USP9X: variants seen among roughly 807,000 people sequenced by gnomAD.
The protein encoded by USP9X is ubiquitin carboxyl-terminal hydrolase 9X.
USP9X carries 7 observed loss-of-function variants against 190.3 expected under a neutral mutation model. That is an observed-to-expected ratio of 0.04 (90% CI 0.02 to 0.07). The LOEUF (loss-of-function observed/expected upper bound fraction) is 0.07, where lower values mean the gene tolerates loss of function less well. Among genes scored for constraint, USP9X ranks in the 10% least tolerant of loss-of-function variants. USP9X has a pLI of 1.00. For synonymous variants in USP9X, 645 were observed against 659.5 expected, an observed-to-expected ratio of 0.98 and a Z score of 0.34; for missense variants, 1,010 against 1,916.9, an observed-to-expected ratio of 0.53 and a Z score of 8.83.
rs200403625 is a variant in USP9X, at chrX:41,181,435, C to CTTTTTTTTTT, written c.3149-2543_3149-2534dup. On this transcript the variant is annotated intron_variant, in intron 21 of 44. Transcript: ENST00000378308. ...TACAGGTACACACCACCACACCTGACTTTTTTTTTTTTTTTTTTTTTTTTT... is the reference window on the plus strand; with the variant it reads ...TACAGGTACACACCACCACACCTGACTTTTTTTTTTTTTTTTTTTTTTTTTTTTTTTTTTT... 1.3e-4 allele frequency among the ~76,000 whole-genome samples: 5 copies of CTTTTTTTTTT among 38,573 alleles called. 1 individual carries two copies. The highest frequency in any genetic ancestry group is 7.0e-4 in the East Asian group (1 of 1,422). 33.5% of individuals were successfully genotyped at this position (38,573 alleles called of 115,157 possible).
At chrX:41,163,614 A>ATGG (rs752164074) in intron 15 of USP9X, among the ~76,000 whole-genome samples, 4 of 109,017 alleles carry the variant, frequency 3.7e-5, no homozygotes, top group Non-Finnish European at 7.6e-5. Flanking sequence ...TCAGCCAGGC[A>ATGG]TGGTGGTGTT....
At chrX:41,189,574 C>G in intron 26 of USP9X, 99 bp downstream of exon 26, 1 of 790,051 alleles carries the variant, frequency 1.3e-6, no homozygotes, top group South Asian at 3.8e-5. Context: ...TATTTATTGT[C>G]TCTATGGCAT....
At chrX:41,165,772 A>T in intron 15 of USP9X, 100 bp from the exon 16 acceptor site, 1 of 652,619 alleles carries the variant, frequency 1.5e-6, no homozygotes, top group Non-Finnish European at 2.3e-6. Context: ...ATCTATAGTT[A>T]AAATATAATG....
At chrX:41,134,316 T>C (rs2062352057) in intron 4 of USP9X, among the ~76,000 whole-genome samples, 1 of 112,329 alleles carries the variant, frequency 8.9e-6, no homozygotes, top group Non-Finnish European at 1.9e-5. Context: ...CTGAGATAAT[T>C]GAGAGAGGCT....
chrX:41,092,436 A>G (rs1178899552), intron 1 of USP9X, among the ~76,000 whole-genome samples: 2 of 110,768 alleles, frequency 1.8e-5, no homozygotes, highest in African/African-American at 6.6e-5. Flanking sequence ...TATTGAACCC[A>G]TTTCTGCCTA....
intron 2 of USP9X, among the ~76,000 whole-genome samples, chrX:41,125,835 TTTCTA>T (rs760409115): frequency 9.0e-6 from 1 of 111,385 alleles, no homozygotes; most frequent in South Asian, 3.7e-4. Flanking sequence ...TCAGTTGTCT[TTTCTA>T]ATATATACAG....
intron 26 of USP9X, among the ~76,000 whole-genome samples, chrX:41,195,433 ATTGGAGCCTGAGAG>A (rs2062975051): frequency 9.0e-6 from 1 of 111,112 alleles, no homozygotes; most frequent in South Asian, 3.8e-4. Flanking sequence ...GGAGGTCTGC[ATTGGAGCCTGAGAG>A]TTGGCATTTC....
At chrX:41,089,782 TAAC>T (rs1194601890) in intron 1 of USP9X, among the ~76,000 whole-genome samples, 1 of 110,142 alleles carries the variant, frequency 9.1e-6, no homozygotes, top group Non-Finnish European at 1.9e-5. Context: ...ACGAATGAAA[TAAC>T]AATAACAGAC....
chrX:41,185,510 C>T (rs773124412), intron 23 of USP9X, among the ~76,000 whole-genome samples: 1 of 111,010 alleles, frequency 9.0e-6, no homozygotes, highest in South Asian at 3.7e-4. Flanking sequence ...GGTTCACTGG[C>T]GATAATTCCT....
intron 24 of USP9X, 52 bp downstream of exon 24, chrX:41,186,694 A>G (rs2062879061): frequency 1.7e-6 from 2 of 1,165,247 alleles, no homozygotes; most frequent in Non-Finnish European, 2.3e-6. Context: ...AGGCCCACTT[A>G]TTTTAATCAC....
intron 21 of USP9X, among the ~76,000 whole-genome samples, chrX:41,181,701 C>T (rs760570889): frequency 1.8e-5 from 2 of 109,378 alleles, no homozygotes; most frequent in Non-Finnish European, 3.8e-5. Flanking sequence ...CGCCCACCTC[C>T]GCCTCCCTGA....
chrX:41,210,980 T>C (rs771121090), intron 33 of USP9X, among the ~76,000 whole-genome samples: 55 of 110,505 alleles, frequency 5.0e-4, no homozygotes, highest in Non-Finnish European at 1.0e-3. Context: ...TTTTCCTTTC[T>C]CTTTTTTTTT....
chrX:41,153,348 A>G (rs772670051), intron 14 of USP9X, among the ~76,000 whole-genome samples: 1 of 111,607 alleles, frequency 9.0e-6, no homozygotes, highest in African/African-American at 3.3e-5. Flanking sequence ...CTTCTTAGGA[A>G]TGTACTTGGC....
intron 1 of USP9X, among the ~76,000 whole-genome samples, chrX:41,090,810 G>A (rs1008844696): frequency 2.7e-5 from 3 of 111,121 alleles, no homozygotes; most frequent in Non-Finnish European, 5.7e-5. Context: ...ACACAAACAT[G>A]TAGTGAAAAG....
chrX:41,177,858 T>A (rs1280624964), intron 21 of USP9X, among the ~76,000 whole-genome samples: 1 of 110,505 alleles, frequency 9.0e-6, no homozygotes, highest in South Asian at 3.8e-4. Context: ...GGTTATTTAT[T>A]TTGATGCTCA....
At chrX:41,144,985 G>A (rs1470012569) in intron 11 of USP9X, among the ~76,000 whole-genome samples, 1 of 111,422 alleles carries the variant, frequency 9.0e-6, no homozygotes, top group Non-Finnish European at 1.9e-5. Context: ...ATATGTACAA[G>A]CAAAATATGA....
In USP9X at chrX:41,135,923, G is replaced by GC. The variant is rs200010789; in HGVS notation, c.436-878dup. ...TGGGATTACAGGTGTGAGCCCCCATGCCCGGCCTCTGTTCTTTTGTATACT... is the reference window on the plus strand; with the variant it reads ...TGGGATTACAGGTGTGAGCCCCCATGCCCCGGCCTCTGTTCTTTTGTATACT... On this transcript the variant is annotated intron_variant, in intron 5 of 44. Coordinates refer to ENST00000378308, the MANE Select transcript of USP9X (RefSeq NM_001039591.3). Among the ~76,000 whole-genome samples the GC allele has an allele frequency of 5.6e-3, 625 of 111,182 alleles. 5 individuals are homozygous for GC. The highest frequency in any genetic ancestry group is 0.02 in the African/African-American group (606 of 30,596).
intron 1 of USP9X, among the ~76,000 whole-genome samples, chrX:41,090,172 G>A (rs1298206029): frequency 9.1e-6 from 1 of 109,437 alleles, no homozygotes; most frequent in East Asian, 2.8e-4. Context: ...CTCCCGAAGT[G>A]TTAGGATTCC....
rs753277633 is a variant in USP9X at position 41,186,634 on chromosome X, T to C, written c.3676T>C (p.Ser1226Pro). Residue 1226 changes from serine (S) to proline (P), a missense_variant, in exon 24 of 45, where the codon TCT becomes CCT. By Grantham distance (74) the Ser-to-Pro change is moderately conservative. Transcript: ENST00000378308. ...NVSVRLAQQISDEASRYMPDI... is the reference protein window; with the variant it reads ...NVSVRLAQQIPDEASRYMPDI... ...GTCAGTTCGTCTTGCTCAGCAGATA[T>C]CTGATGAGGTTAGTTTTATCAAGAC... 4.1e-6 allele frequency: 5 copies of C among 1,208,891 alleles called. No individual in the cohort carries two copies. The South Asian group carries it at 5.3e-5, about 13-fold the overall frequency.
Sources: gnomAD v4.1 joint callset for allele counts (sites outside exome capture counted in the v4.1 genomes callset) on GRCh38, gnomAD v4.1.1 for gene constraint, MANE v1.5 for transcripts, NCBI Gene and HGNC (gene_info 2026-07-23, HGNC 2026-07-21) for gene names.